Variants in NRXN1 observed in about 807,000 individuals in gnomAD.
NRXN1 encodes neurexin-1.
NRXN1 carries 39 observed loss-of-function variants against 150.9 expected under a neutral mutation model. The observed-to-expected ratio is 0.26, with a 90% CI of 0.20 to 0.34. The LOEUF (loss-of-function observed/expected upper bound fraction) is 0.34. Among genes scored for constraint, NRXN1 ranks in the 10% least tolerant of loss-of-function variants. NRXN1 has a pLI of 1.00. For missense variants in NRXN1, 1,815 were observed against 1,949.9 expected (o/e 0.93, Z 1.30); for synonymous variants, 924 against 757.0 (o/e 1.22, Z -3.62).
At chr2:50,837,606 T>C (rs1158579952) in intron 5 of NRXN1, among the ~76,000 whole-genome samples, 1 of 152,036 alleles carries the variant, frequency 6.6e-6, no homozygotes, top group Non-Finnish European at 1.5e-5. Flanking sequence ...GAGTGAAAAA[T>C]TAAATCAATA....
At chr2:50,193,356 T>A (rs2061563537) in intron 18 of NRXN1, among the ~76,000 whole-genome samples, 1 of 152,218 alleles carries the variant, frequency 6.6e-6, no homozygotes, top group Admixed American at 6.5e-5. Context: ...TCTGGTATTG[T>A]CCCACTCACA....
intron 18 of NRXN1, among the ~76,000 whole-genome samples, chr2:50,098,457 G>C (rs996506854): frequency 4.6e-5 from 7 of 152,024 alleles, no homozygotes; most frequent in African/African-American, 1.4e-4. Context: ...CTACCAGCAG[G>C]TTCTAATGCA....
intron 15 of NRXN1, among the ~76,000 whole-genome samples, chr2:50,480,933 T>C (rs1166157926): frequency 6.6e-6 from 1 of 152,190 alleles, no homozygotes; most frequent in Non-Finnish European, 1.5e-5. Context: ...CAGCTCTGAC[T>C]TCATCATTAT....
intron 18 of NRXN1, among the ~76,000 whole-genome samples, chr2:50,223,084 G>T: frequency 6.6e-6 from 1 of 151,708 alleles, no homozygotes; most frequent in South Asian, 2.1e-4. Context: ...CTTCTGAACA[G>T]CCTGTCATAA....
At chr2:50,404,963 T>G (rs1283074801) in intron 17 of NRXN1, among the ~76,000 whole-genome samples, 1 of 152,094 alleles carries the variant, frequency 6.6e-6, no homozygotes, top group African/African-American at 2.4e-5. Flanking sequence ...CACTCTTCTC[T>G]TGCCAAAAGC....
intron 18 of NRXN1, among the ~76,000 whole-genome samples, chr2:50,220,890 T>C (rs1019115418): frequency 2.0e-5 from 3 of 152,028 alleles, no homozygotes; most frequent in Admixed American, 1.3e-4. Flanking sequence ...TTGCTAGTTA[T>C]GCAAGGTAAC....
intron 18 of NRXN1, among the ~76,000 whole-genome samples, chr2:50,176,880 T>G (rs2152806487): frequency 6.6e-6 from 1 of 152,194 alleles, no homozygotes; most frequent in East Asian, 1.9e-4. Flanking sequence ...TTGCTTTCAG[T>G]TCTTCAGAGG....
chr2:50,345,797 G>T (rs1202477948), intron 17 of NRXN1, among the ~76,000 whole-genome samples: 1 of 152,138 alleles, frequency 6.6e-6, no homozygotes, highest in Non-Finnish European at 1.5e-5. Flanking sequence ...TCTTCTCCAG[G>T]CAGACCTCCG....
chr2:50,834,324 G>T (rs1206665495), intron 5 of NRXN1, among the ~76,000 whole-genome samples: 2 of 152,048 alleles, frequency 1.3e-5, no homozygotes, highest in Non-Finnish European at 1.5e-5. Context: ...TGTCAATTTT[G>T]CTCAAAATAT....
chr2:50,496,425 A>C (rs2091624425), intron 14 of NRXN1, among the ~76,000 whole-genome samples: 2 of 152,170 alleles, frequency 1.3e-5, no homozygotes, highest in Admixed American at 6.6e-5. Flanking sequence ...CTAACACTTA[A>C]AATGGCCATT....
intron 17 of NRXN1, among the ~76,000 whole-genome samples, chr2:50,405,795 A>T (rs1422828449): frequency 6.6e-6 from 1 of 152,198 alleles, no homozygotes; most frequent in Non-Finnish European, 1.5e-5. Flanking sequence ...GTATGAAAGA[A>T]GTATTGCACT....
intron 17 of NRXN1, among the ~76,000 whole-genome samples, chr2:50,310,928 T>C (rs1270123181): frequency 1.3e-5 from 2 of 152,150 alleles, no homozygotes; most frequent in East Asian, 3.9e-4. Context: ...TCTTAATAAT[T>C]TTCAAATTAA....
At chr2:50,191,308 G>C (rs3845242) in intron 18 of NRXN1, among the ~76,000 whole-genome samples, 27,253 of 151,018 alleles carry the variant, frequency 0.18, 2,918 homozygotes, top group East Asian at 0.41. Context: ...CCAAAGTTTT[G>C]GGAACACAGG....
intron 2 of NRXN1, among the ~76,000 whole-genome samples, chr2:50,957,138 C>T (rs1006338700): frequency 2.0e-5 from 3 of 152,034 alleles, no homozygotes; most frequent in African/African-American, 7.2e-5. Flanking sequence ...AAGATTTGTG[C>T]CCTTGGGTAA....
chr2:50,834,146 G>T (rs1671779915), intron 5 of NRXN1, among the ~76,000 whole-genome samples: 1 of 152,026 alleles, frequency 6.6e-6, no homozygotes, highest in Non-Finnish European at 1.5e-5. Context: ...CTACCCAGCT[G>T]GGCTTACTAA....
chr2:50,084,390 G>A lies in NRXN1; in HGVS notation c.3718+6933C>T, dbSNP rs561398051. Reference sequence around the variant, plus strand: ...GCTAAAGCCCAGTGAGAAATCGAGCGCAGTGCCGGTGGGCCGGCACTGATG... The same window carrying A: ...GCTAAAGCCCAGTGAGAAATCGAGCACAGTGCCGGTGGGCCGGCACTGATG... On this transcript the variant is annotated intron_variant, in intron 19 of 22. Coordinates refer to ENST00000401669, the MANE Select transcript of NRXN1 (RefSeq NM_001330078.2). Among the ~76,000 whole-genome samples, 7 of 152,290 alleles carry A rather than the reference G, an allele frequency of 4.6e-5. No individual in the cohort carries two copies. The East Asian group carries it at 5.8e-4, about 13-fold the overall frequency.
intron 5 of NRXN1, among the ~76,000 whole-genome samples, chr2:50,908,061 C>A (rs976483361): frequency 1.3e-5 from 2 of 152,064 alleles, no homozygotes; most frequent in Non-Finnish European, 2.9e-5. Context: ...AAAATGTATT[C>A]ACCTACTGAG....
At chr2:50,846,876 T>G (rs1336794810) in intron 5 of NRXN1, among the ~76,000 whole-genome samples, 3 of 152,200 alleles carry the variant, frequency 2.0e-5, no homozygotes, top group Non-Finnish European at 4.4e-5. Context: ...CATGAAAAGT[T>G]TCATAACGAA....
intron 5 of NRXN1, among the ~76,000 whole-genome samples, chr2:50,625,584 T>G (rs1680874420): frequency 6.6e-6 from 1 of 152,076 alleles, no homozygotes; most frequent in Admixed American, 6.6e-5. Context: ...TCCAGGTGTC[T>G]GCTCCCCTGG....
Sources: allele counts gnomAD v4.1 joint callset (sites outside exome capture counted in the v4.1 genomes callset), GRCh38; gene constraint gnomAD v4.1.1; transcripts MANE v1.5; gene names NCBI Gene and HGNC (gene_info 2026-07-23, HGNC 2026-07-21).